Variants in BBS7 observed in about 807,000 individuals in gnomAD.
The protein encoded by BBS7 is BBSome complex member BBS7.
In BBS7, 50 loss-of-function variants were observed where a neutral mutation model predicts 90.3. That is an observed-to-expected ratio of 0.55 (90% CI 0.44 to 0.70). The LOEUF is 0.70. BBS7 is among the 30% of genes least tolerant of loss of function. BBS7 has a pLI of 0.00. For missense variants in BBS7, 729 were observed against 838.9 expected, an observed-to-expected ratio of 0.87 and a Z score of 1.62; for synonymous variants, 235 against 287.4, an observed-to-expected ratio of 0.82 and a Z score of 1.85.
At chr4:121,832,092 C>G (rs985166276) in intron 15 of BBS7, among the ~76,000 whole-genome samples, 2 of 151,668 alleles carry the variant, frequency 1.3e-5, no homozygotes, top group Non-Finnish European at 2.9e-5. Flanking sequence ...CCTATAATCC[C>G]AGCACTTTAG....
At chr4:121,829,748 C>G (rs573670844) in intron 15 of BBS7, among the ~76,000 whole-genome samples, 2 of 152,084 alleles carry the variant, frequency 1.3e-5, no homozygotes, top group African/African-American at 4.8e-5. Flanking sequence ...AGCCAGTGGG[C>G]AAGAGAAGCT....
intron 12 of BBS7, 48 bp from the exon 13 acceptor site, chr4:121,839,744 C>A: frequency 6.6e-7 from 1 of 1,504,976 alleles, no homozygotes; most frequent in Non-Finnish European, 9.2e-7. Context: ...ATGTTTTTAG[C>A]AACAAAAAAA....
chr4:121,866,180 C>A (rs1340440414), intron 2 of BBS7, among the ~76,000 whole-genome samples: 1 of 152,058 alleles, frequency 6.6e-6, no homozygotes, highest in Non-Finnish European at 1.5e-5. Flanking sequence ...TGTCTTTTCA[C>A]TCTTGTTGAT....
At chr4:121,852,747 A>G (rs1198756527) in intron 8 of BBS7, among the ~76,000 whole-genome samples, 2 of 152,126 alleles carry the variant, frequency 1.3e-5, no homozygotes, top group African/African-American at 4.8e-5. Flanking sequence ...AGTATAATGA[A>G]AAAGTAATTT....
At chr4:121,845,040 T>A (rs1389245699) in intron 11 of BBS7, among the ~76,000 whole-genome samples, 1 of 152,134 alleles carries the variant, frequency 6.6e-6, no homozygotes, top group Non-Finnish European at 1.5e-5. Context: ...AAACCAATTA[T>A]CTAAAGGAAG....
chr4:121,861,113 C>G (rs973571963), intron 4 of BBS7, among the ~76,000 whole-genome samples: 12 of 152,110 alleles, frequency 7.9e-5, no homozygotes, highest in African/African-American at 2.7e-4. Context: ...CCTGATATAC[C>G]TGAAATTATA....
At chr4:121,833,572 C>T (rs764188224) in intron 14 of BBS7, among the ~76,000 whole-genome samples, 177 bp from the exon 15 acceptor site, 4 of 152,034 alleles carry the variant, frequency 2.6e-5, no homozygotes, top group Non-Finnish European at 4.4e-5. Context: ...GAAAAAAAAT[C>T]GAACACTTAC....
intron 15 of BBS7, 51 bp downstream of exon 15, chr4:121,833,180 G>C: frequency 6.4e-7 from 1 of 1,566,574 alleles, no homozygotes; most frequent in Non-Finnish European, 8.8e-7. Context: ...AAACTTAGAA[G>C]CTACATTTAT....
rs777882672 is a variant in BBS7, at chr4:121,825,819, T to A, written c.*41A>T. ...CTAATTCTCTTTTAACATTTTTCAT[T>A]TAAACAGACCACTTCTTTGGGACTT... On this transcript the variant is annotated 3_prime_UTR_variant, in exon 19 of 19. Coordinates refer to ENST00000264499, the MANE Select transcript of BBS7 (RefSeq NM_176824.3). 2 of 1,601,036 alleles carry A rather than the reference T, an allele frequency of 1.2e-6. No individual in the cohort carries two copies. Among genetic ancestry groups the A allele is most frequent in the Non-Finnish European group, 1.7e-6 (2 of 1,171,188 alleles).
chr4:121,849,321 C>T (rs895159322), intron 8 of BBS7, among the ~76,000 whole-genome samples: 1 of 152,160 alleles, frequency 6.6e-6, no homozygotes, highest in Non-Finnish European at 1.5e-5. Context: ...CCTCCTTAGG[C>T]CCCAGAGTAG....
At chr4:121,845,840 AT>A in intron 10 of BBS7, 144 bp from the exon 11 acceptor site, 1 of 711,544 alleles carries the variant, frequency 1.4e-6, no homozygotes, top group Non-Finnish European at 2.3e-6. Context: ...AGGGAGCAAA[AT>A]TTTTGCTTCT....
At position 121,843,898 on chromosome 4, in the gene BBS7, G is replaced by A. The variant is rs202107214; in HGVS notation, c.1305+29C>T. 219 of 1,442,824 alleles carry A rather than the reference G, an allele frequency of 1.5e-4. 5 individuals are homozygous for A. In the African/African-American group the frequency reaches 2.7e-3, roughly 18 times the overall value. 89.4% of individuals were successfully genotyped at this position (1,442,824 alleles called of 1,614,324 possible). A position where few individuals can be genotyped will look rare whatever the true frequency, so the allele number is the denominator to read the frequency against. ...AATGGCATAATAGAAATGAAAGCAT[G>A]TGAAGAATTCTTTTATATTTTTACT... is the stretch of plus-strand genomic sequence containing the variant. On this transcript the variant is annotated intron_variant, in intron 12 of 18. Transcript: ENST00000264499.
chr4:121,865,190 C>T lies in BBS7; in HGVS notation c.103-1911G>A, dbSNP rs192988108. ...GGCTTATTTCACTAAACATAATGTC[C>T]TCCAGTTCCATCCATGTTACTGCAA... On this transcript the variant is annotated intron_variant, in intron 2 of 18. Coordinates refer to ENST00000264499, the MANE Select transcript of BBS7 (RefSeq NM_176824.3). Among the ~76,000 whole-genome samples, 14 of 151,932 alleles carry T rather than the reference C, an allele frequency of 9.2e-5. No homozygotes were observed. The East Asian group carries it at 1.5e-3, about 17-fold the overall frequency.
chr4:121,862,527 A>T (rs965837877), intron 3 of BBS7, among the ~76,000 whole-genome samples: 15 of 152,240 alleles, frequency 9.9e-5, no homozygotes, highest in African/African-American at 3.4e-4. Context: ...TATGATCTGT[A>T]AATATGATAA....
intron 15 of BBS7, among the ~76,000 whole-genome samples, chr4:121,828,967 T>G (rs1290463117): frequency 1.9e-5 from 2 of 106,990 alleles, no homozygotes; most frequent in Non-Finnish European, 3.6e-5. Flanking sequence ...ATGTGACAAT[T>G]TATATAAAAA....
At position 121,833,294 on chromosome 4, in the gene BBS7, C is replaced by T. The variant is rs200022156; in HGVS notation, c.1613G>A (p.Gly538Glu). 6.2e-7 allele frequency: 1 copy of T among 1,613,968 alleles called. No individual in the cohort carries two copies. The highest frequency in any genetic ancestry group is 8.5e-7 in the Non-Finnish European group (1 of 1,179,942). ...CTGAAAGTAAAATGTCACACATTCTCCTGCTGGAGGTTTTTCTGGAACTTC... is the reference window on the plus strand; with the variant it reads ...CTGAAAGTAAAATGTCACACATTCTTCTGCTGGAGGTTTTTCTGGAACTTC... ...LPEVPEKPPA[G>E]ECVTFYFQNT... Residue 538 changes from glycine (G) to glutamate (E), a missense_variant, in exon 15 of 19, where the codon GGA becomes GAA. Transcript: ENST00000264499.
intron 13 of BBS7, 102 bp from the exon 14 acceptor site, chr4:121,835,385 A>T (rs1725404126): frequency 7.4e-7 from 1 of 1,351,506 alleles, no homozygotes; most frequent in Non-Finnish European, 1.0e-6. Context: ...ATTCACTAAT[A>T]TGTGAAGACC....
chr4:121,865,758 C>T (rs1354250762), intron 2 of BBS7, among the ~76,000 whole-genome samples: 1 of 152,084 alleles, frequency 6.6e-6, no homozygotes, highest in Admixed American at 6.5e-5. Flanking sequence ...ATCATATGGT[C>T]GCCCTATTTG....
intron 1 of BBS7, among the ~76,000 whole-genome samples, chr4:121,868,668 GAACAAGAC>G (rs1727413237): frequency 1.4e-5 from 1 of 72,564 alleles, no homozygotes; most frequent in South Asian, 5.2e-4. Flanking sequence ...CTGCGTGACA[GAACAAGAC>G]CCTGTTTCAA....
Sources: allele counts gnomAD v4.1 joint callset (sites outside exome capture counted in the v4.1 genomes callset), GRCh38; gene constraint gnomAD v4.1.1; transcripts MANE v1.5; gene names NCBI Gene and HGNC (gene_info 2026-07-23, HGNC 2026-07-21).